The following HS6ST2 variants were observed in gnomAD, a reference collection of about 807,000 sequenced individuals.
HS6ST2 encodes the protein heparan sulfate 6-O-sulfotransferase 2, also known as heparan-sulfate 6-O-sulfotransferase 2.
In HS6ST2, 17 loss-of-function variants were observed where a neutral mutation model predicts 33.0. The ratio of observed to expected loss-of-function variants is 0.52; its 90% CI spans 0.35 to 0.77. HS6ST2 has a LOEUF of 0.77. Ranked by LOEUF, HS6ST2 falls within the 30% of genes least tolerant of loss-of-function variation. The pLI is 0.01. For synonymous variants in HS6ST2, 248 were observed against 237.1 expected, an observed-to-expected ratio of 1.05 and a Z score of -0.42; for missense variants, 519 against 551.7, an observed-to-expected ratio of 0.94 and a Z score of 0.59.
chrX:132,887,145 A>G (rs1362657557), intron 2 of HS6ST2, among the ~76,000 whole-genome samples: 2 of 110,315 alleles, frequency 1.8e-5, no homozygotes, highest in Non-Finnish European at 3.8e-5. Context: ...AAAAAAAAAA[A>G]TGCTGAAAGA....
At chrX:132,738,198 T>A (rs1382233437) in intron 2 of HS6ST2, among the ~76,000 whole-genome samples, 1 of 112,632 alleles carries the variant, frequency 8.9e-6, no homozygotes, top group Non-Finnish European at 1.9e-5. Flanking sequence ...TACTGTGTCT[T>A]CCTTGCCCTT....
intron 4 of HS6ST2, among the ~76,000 whole-genome samples, chrX:132,658,127 A>G (rs1825264435): frequency 9.0e-6 from 1 of 110,797 alleles, no homozygotes; most frequent in Non-Finnish European, 1.9e-5. Flanking sequence ...TGGGAGAATC[A>G]TTACCTTGGC....
In HS6ST2 at chrX:132,918,647, A is replaced by T. The variant is rs537087743; in HGVS notation, c.947+38161T>A. Among the ~76,000 whole-genome samples, 67 of 111,481 alleles carry T rather than the reference A, an allele frequency of 6.0e-4. 1 individual carries two copies. The South Asian group carries it at 0.025, about 42-fold the overall frequency. On this transcript the variant is annotated intron_variant, in intron 2 of 4. Coordinates refer to ENST00000370833, the MANE Select transcript of HS6ST2 (RefSeq NM_001394073.1). ...TTGGAATGTGATCAGGTGGGACATG[A>T]TCTCTCTTCCTGGGTGGTCTTAGTG...
At chrX:132,900,485 G>A (rs1175990593) in intron 2 of HS6ST2, among the ~76,000 whole-genome samples, 4 of 111,213 alleles carry the variant, frequency 3.6e-5, no homozygotes, top group Non-Finnish European at 7.5e-5. Flanking sequence ...GGAGGCTGAA[G>A]TGGGAGGACT....
At chrX:132,842,666 A>G (rs1236457902) in intron 2 of HS6ST2, among the ~76,000 whole-genome samples, 1 of 111,546 alleles carries the variant, frequency 9.0e-6, no homozygotes, top group Non-Finnish European at 1.9e-5. Flanking sequence ...CACACACAGT[A>G]GAATACTCTC....
At chrX:132,676,082 T>C (rs974347809) in intron 3 of HS6ST2, among the ~76,000 whole-genome samples, 5 of 112,312 alleles carry the variant, frequency 4.5e-5, no homozygotes, top group African/African-American at 1.3e-4. Flanking sequence ...TTGTTAGCCC[T>C]GCCTCTGCAA....
intron 2 of HS6ST2, among the ~76,000 whole-genome samples, chrX:132,816,076 T>C (rs773028897): frequency 3.5e-4 from 39 of 112,028 alleles, no homozygotes; most frequent in African/African-American, 1.2e-3. Flanking sequence ...CAAATGTTTT[T>C]TGAGTTATGA....
chrX:132,679,789 G>A (rs1334213956), intron 3 of HS6ST2, among the ~76,000 whole-genome samples: 8 of 108,448 alleles, frequency 7.4e-5, no homozygotes, highest in African/African-American at 1.7e-4. Context: ...CCCCAGGCGC[G>A]TATTCTCTTT....
intron 2 of HS6ST2, among the ~76,000 whole-genome samples, chrX:132,954,696 T>C (rs2067049161): frequency 8.9e-6 from 1 of 112,327 alleles, no homozygotes; most frequent in Non-Finnish European, 1.9e-5. Context: ...TTTTATTTCA[T>C]TTTTGCAAAC....
Position 132,746,372 on chromosome X carries a change from G to A in HS6ST2, c.948-37878C>T, listed in dbSNP as rs1207302536. 6.3e-5 allele frequency among the ~76,000 whole-genome samples: 7 copies of A among 110,462 alleles called. No individual in the cohort carries two copies. The Admixed American group carries it at 6.7e-4, about 11-fold the overall frequency. ...AAAAAAATTAGCCGGGCGTGGTGGC[G>A]GGCGCCTGTAGTCCCAGCTACTTGG... On this transcript the variant is annotated intron_variant, in intron 2 of 4. Transcript: ENST00000370833.
chrX:132,770,916 A>G (rs2064892262), intron 2 of HS6ST2, among the ~76,000 whole-genome samples: 1 of 111,882 alleles, frequency 8.9e-6, no homozygotes, highest in Admixed American at 9.6e-5. Flanking sequence ...AATATCTTAA[A>G]TGATCAATAA....
At chrX:132,779,925 G>A (rs937024205) in intron 2 of HS6ST2, among the ~76,000 whole-genome samples, 2 of 110,821 alleles carry the variant, frequency 1.8e-5, no homozygotes, top group Non-Finnish European at 3.8e-5. Context: ...TAGGTCTGCC[G>A]CCTGAGTCCC....
intron 2 of HS6ST2, among the ~76,000 whole-genome samples, chrX:132,891,900 C>T (rs2066317894): frequency 9.0e-6 from 1 of 111,370 alleles, no homozygotes; most frequent in South Asian, 3.8e-4. Context: ...GGTATATACC[C>T]AGTAATGGGA....
chrX:132,644,738 C>A (rs755427530), intron 4 of HS6ST2, among the ~76,000 whole-genome samples: 1 of 110,533 alleles, frequency 9.0e-6, no homozygotes, highest in South Asian at 3.9e-4. Flanking sequence ...TCCATTTTAT[C>A]CTCTCCCATC....
chrX:132,655,509 A>G (rs146909294), intron 4 of HS6ST2, among the ~76,000 whole-genome samples: 3,584 of 111,546 alleles, frequency 0.032, 68 homozygotes, highest in Middle Eastern at 0.079. Context: ...TAACTTGTCC[A>G]AGGTACTAGA....
intron 2 of HS6ST2, among the ~76,000 whole-genome samples, chrX:132,933,059 G>A (rs1266859648): frequency 1.8e-5 from 2 of 109,824 alleles, no homozygotes; most frequent in African/African-American, 6.6e-5. Context: ...GGGTGCAGTG[G>A]CTCACACCTG....
chrX:132,825,225 A>G (rs1043723321), intron 2 of HS6ST2, among the ~76,000 whole-genome samples: 1 of 111,693 alleles, frequency 9.0e-6, no homozygotes, highest in South Asian at 3.8e-4. Flanking sequence ...CCAGTATTCT[A>G]GTATGATACT....
intron 3 of HS6ST2, among the ~76,000 whole-genome samples, chrX:132,694,620 AG>A (rs2064089545): frequency 9.0e-6 from 1 of 111,314 alleles, no homozygotes; most frequent in African/African-American, 3.3e-5. Flanking sequence ...ACATTTTAAA[AG>A]GGTTATCACT....
At chrX:132,859,811 A>G (rs2065893133) in intron 2 of HS6ST2, among the ~76,000 whole-genome samples, 1 of 89,963 alleles carries the variant, frequency 1.1e-5, no homozygotes, top group Non-Finnish European at 2.2e-5. Flanking sequence ...GAAGGAAGGA[A>G]GTGAGGGAGG....
Sources: allele counts gnomAD v4.1 joint callset (sites outside exome capture counted in the v4.1 genomes callset), GRCh38; gene constraint gnomAD v4.1.1; transcripts MANE v1.5; gene names NCBI Gene and HGNC (gene_info 2026-07-23, HGNC 2026-07-21).